Variants in EDIL3 observed in about 807,000 individuals in gnomAD.
EDIL3 encodes the protein EGF like and discoidin domains 3.
In EDIL3, 37 loss-of-function variants were observed where a neutral mutation model predicts 67.4. That is an observed-to-expected ratio of 0.55 (90% CI 0.42 to 0.72). EDIL3 has a LOEUF of 0.72. EDIL3 is among the 30% of genes least tolerant of loss of function. The pLI is 0.00. For synonymous variants in EDIL3, 195 were observed against 196.3 expected (o/e 0.99, Z 0.05); for missense variants, 527 against 586.3 (o/e 0.90, Z 1.04).
At chr5:84,233,297 T>C (rs1437344144) in intron 2 of EDIL3, among the ~76,000 whole-genome samples, 1 of 152,220 alleles carries the variant, frequency 6.6e-6, no homozygotes, top group East Asian at 1.9e-4. Flanking sequence ...AATTTGAATA[T>C]TGGGTTTTAG....
At position 84,180,473 on chromosome 5, in the gene EDIL3, C is replaced by T. The variant is rs1213829229; in HGVS notation, c.275G>A (p.Ser92Asn). The T allele has an allele frequency of 6.2e-7, 1 of 1,608,310 alleles. No homozygotes were observed. Among genetic ancestry groups the T allele is most frequent in the Admixed American group, 1.7e-5 (1 of 59,174 alleles). Residue 92 changes from serine to asparagine, a missense_variant, in exon 4 of 11, where the codon AGT becomes AAT. Around this residue, in one of 2 missense-constraint regions of EDIL3, gnomAD observed 494 missense variants for 522.5 expected, o/e 0.95. Coordinates refer to ENST00000296591, the MANE Select transcript of EDIL3 (RefSeq NM_005711.5). ...PCHNGGTCEI[S>N]EAYRGDTFIG... ...GAATGTATCCCCTCGGTATGCTTCA[C>T]TTATTTCACAGGTTCCTCCATTATG... is the stretch of plus-strand genomic sequence containing the variant.
chr5:84,341,352 G>A (rs979050807), intron 1 of EDIL3, among the ~76,000 whole-genome samples: 13 of 152,124 alleles, frequency 8.5e-5, no homozygotes, highest in African/African-American at 3.1e-4. Context: ...AGAAGTCCCT[G>A]CTCTGTGAAC....
Position 83,943,312 on chromosome 5 carries a change from T to TG in EDIL3, c.*106dup, listed in dbSNP as rs2112108969. 7.8e-7 allele frequency: 1 copy of TG among 1,275,338 alleles called. No individual in the cohort carries two copies. The highest frequency in any genetic ancestry group is 2.5e-5 in the East Asian group (1 of 39,974). 79.0% of individuals were successfully genotyped at this position (1,275,338 alleles called of 1,614,324 possible). Reference sequence around the variant, plus strand: ...CTACCATAATTTGAGCACTTTTTCATGAAAAAAAAAAAAAAACCATTCAGT... The same window carrying TG: ...CTACCATAATTTGAGCACTTTTTCATGGAAAAAAAAAAAAAAACCATTCAGT... On this transcript the variant is annotated 3_prime_UTR_variant, in exon 11 of 11. Transcript: ENST00000296591.
At chr5:83,989,799 T>C (rs571602315) in intron 9 of EDIL3, among the ~76,000 whole-genome samples, 1 of 152,252 alleles carries the variant, frequency 6.6e-6, no homozygotes, top group African/African-American at 2.4e-5. Flanking sequence ...CCCTTGATCA[T>C]GTTATTAAGC....
At chr5:84,199,684 A>C (rs1743790325) in intron 3 of EDIL3, among the ~76,000 whole-genome samples, 1 of 152,058 alleles carries the variant, frequency 6.6e-6, no homozygotes, top group South Asian at 2.1e-4. Context: ...TTGTTGTATC[A>C]TTCTTATTTC....
At chr5:84,315,436 A>T (rs998153376) in intron 1 of EDIL3, among the ~76,000 whole-genome samples, 1 of 152,192 alleles carries the variant, frequency 6.6e-6, no homozygotes. Context: ...CAGGCTTACA[A>T]ATCCAGTGGT....
chr5:84,365,414 A>G (rs1458631662), intron 1 of EDIL3, among the ~76,000 whole-genome samples: 1 of 152,142 alleles, frequency 6.6e-6, no homozygotes, highest in Non-Finnish European at 1.5e-5. Flanking sequence ...TTTACAATTA[A>G]GACCTCTAAA....
intron 2 of EDIL3, among the ~76,000 whole-genome samples, 172 bp downstream of exon 2, chr5:84,253,912 A>G (rs78042591): frequency 0.093 from 14,081 of 152,170 alleles, 724 homozygotes; most frequent in Middle Eastern, 0.16. Flanking sequence ...CACAATTAAT[A>G]TAATTTCAAT....
chr5:83,961,182 A>T (rs999809670), intron 10 of EDIL3, among the ~76,000 whole-genome samples: 5 of 151,202 alleles, frequency 3.3e-5, no homozygotes, highest in Admixed American at 3.3e-4. Context: ...AGGACATTAA[A>T]AATCTGTTTA....
intron 5 of EDIL3, among the ~76,000 whole-genome samples, chr5:84,126,259 T>A (rs1169552523): frequency 6.6e-6 from 1 of 152,064 alleles, no homozygotes; most frequent in Non-Finnish European, 1.5e-5. Flanking sequence ...CATTGACAGC[T>A]TTTATCTCCA....
At chr5:84,118,051 A>G (rs1747703336) in intron 5 of EDIL3, among the ~76,000 whole-genome samples, 1 of 152,192 alleles carries the variant, frequency 6.6e-6, no homozygotes, top group Non-Finnish European at 1.5e-5. Flanking sequence ...GGATATAGTC[A>G]TTCTTTTAAT....
intron 1 of EDIL3, among the ~76,000 whole-genome samples, chr5:84,335,696 T>C (rs1043661356): frequency 1.1e-4 from 17 of 152,164 alleles, no homozygotes; most frequent in African/African-American, 4.1e-4. Flanking sequence ...AATACAAGTA[T>C]ATTCCTTGGG....
intron 3 of EDIL3, among the ~76,000 whole-genome samples, chr5:84,192,522 A>G (rs1743614044): frequency 6.6e-6 from 1 of 151,782 alleles, no homozygotes; most frequent in Admixed American, 6.6e-5. Flanking sequence ...TTTCCTTCCT[A>G]GATAGCCCAA....
intron 9 of EDIL3, among the ~76,000 whole-genome samples, chr5:84,052,318 A>G (rs1409672340): frequency 2.6e-5 from 4 of 152,238 alleles, no homozygotes; most frequent in African/African-American, 9.6e-5. Context: ...AGCAATGAAC[A>G]TGGAAAGGAA....
intron 9 of EDIL3, among the ~76,000 whole-genome samples, chr5:83,970,314 T>G (rs1207769113): frequency 6.8e-6 from 1 of 147,146 alleles, no homozygotes; most frequent in Non-Finnish European, 1.5e-5. Context: ...TATTACCTAT[T>G]GGATTAGAAA....
intron 10 of EDIL3, among the ~76,000 whole-genome samples, chr5:83,953,241 G>A (rs1744451368): frequency 6.6e-6 from 1 of 151,794 alleles, no homozygotes; most frequent in African/African-American, 2.4e-5. Flanking sequence ...CTGAATTTAA[G>A]TTTAACTAGG....
At chr5:84,139,676 C>A (rs779530327) in intron 4 of EDIL3, among the ~76,000 whole-genome samples, 1 of 152,024 alleles carries the variant, frequency 6.6e-6, no homozygotes, top group African/African-American at 2.4e-5. Context: ...GAAAACACTG[C>A]CGTATTTTGT....
intron 3 of EDIL3, among the ~76,000 whole-genome samples, chr5:84,188,365 C>T (rs1220601641): frequency 6.6e-6 from 1 of 151,982 alleles, no homozygotes; most frequent in Admixed American, 6.6e-5. Context: ...CCTTCCTTGC[C>T]TATTCCAGAT....
chr5:84,210,962 G>C (rs1744105584), intron 3 of EDIL3, among the ~76,000 whole-genome samples: 3 of 152,148 alleles, frequency 2.0e-5, no homozygotes, highest in Admixed American at 2.0e-4. Flanking sequence ...TACATCTACT[G>C]TCACTATTGT....
Sources: allele counts gnomAD v4.1 joint callset (sites outside exome capture counted in the v4.1 genomes callset), GRCh38; gene constraint gnomAD v4.1.1; regional missense constraint gnomAD v4.1.1; transcripts MANE v1.5; gene names NCBI Gene and HGNC (gene_info 2026-07-23, HGNC 2026-07-21).